PARD3: variants seen among roughly 807,000 people sequenced by gnomAD.
The protein encoded by PARD3 is partitioning defective 3 homolog.
Under a neutral mutation model 155.4 loss-of-function variants are expected in PARD3, and 75 were observed. That is an observed-to-expected ratio of 0.48 (90% confidence interval 0.40 to 0.58). The LOEUF (loss-of-function observed/expected upper bound fraction) is 0.58. Among genes scored for constraint, PARD3 ranks in the 20% least tolerant of loss-of-function variants. The pLI is 0.00. For missense variants in PARD3, 1,642 were observed against 1,721.7 expected, an observed-to-expected ratio of 0.95 and a Z score of 0.82; for synonymous variants, 576 against 610.5, an observed-to-expected ratio of 0.94 and a Z score of 0.83.
intron 1 of PARD3, among the ~76,000 whole-genome samples, chr10:34,760,819 G>C (rs1026040585): frequency 1.1e-4 from 16 of 152,268 alleles, no homozygotes; most frequent in Admixed American, 9.8e-4. Flanking sequence ...GCCCAGCCCT[G>C]CTCCAGCCTT....
chr10:34,120,183 ATTTTTTTT>A lies in PARD3; in HGVS notation c.3541-451_3541-444del, dbSNP rs57670906. 1.2e-3 allele frequency among the ~76,000 whole-genome samples: 133 copies of A among 113,670 alleles called. 1 individual carries two copies. The highest frequency in any genetic ancestry group is 3.7e-3 in the African/African-American group (113 of 30,476). The allele number at this position is 113,670 out of a possible 152,430, so 74.6% of individuals were successfully genotyped here. Reference sequence around the variant, plus strand: ...AAGCACAGGCCACCATGCCTGGCTAATTTTTTTTTTTTTTTTTTTTTTGGTAGAGATGG... The same window carrying A: ...AAGCACAGGCCACCATGCCTGGCTAATTTTTTTTTTTTTTGGTAGAGATGG... On this transcript the variant is annotated intron_variant, in intron 23 of 24. Transcript: ENST00000374788.
intron 3 of PARD3, among the ~76,000 whole-genome samples, chr10:34,496,022 G>A (rs1319301212): frequency 6.6e-6 from 1 of 151,850 alleles, no homozygotes; most frequent in East Asian, 1.9e-4. Context: ...GGGCAATATG[G>A]CAAAACCCTG....
At chr10:34,476,879 T>C (rs561579650) in intron 3 of PARD3, among the ~76,000 whole-genome samples, 25 of 152,156 alleles carry the variant, frequency 1.6e-4, no homozygotes, top group Non-Finnish European at 3.7e-4. Flanking sequence ...TTTTCACGAG[T>C]TTCACCTTAT....
intron 20 of PARD3, among the ~76,000 whole-genome samples, chr10:34,308,502 G>C (rs1390582387): frequency 6.6e-6 from 1 of 152,182 alleles, no homozygotes; most frequent in Non-Finnish European, 1.5e-5. Flanking sequence ...GGGAAAATCA[G>C]GTGTCAAGGA....
chr10:34,389,646 G>A (rs1316694217), intron 7 of PARD3, among the ~76,000 whole-genome samples: 1 of 152,132 alleles, frequency 6.6e-6, no homozygotes, highest in African/African-American at 2.4e-5. Flanking sequence ...CATCACAACG[G>A]TAGGGAAGGC....
At chr10:34,627,235 G>A (rs550647971) in intron 2 of PARD3, among the ~76,000 whole-genome samples, 3 of 152,060 alleles carry the variant, frequency 2.0e-5, no homozygotes, top group Non-Finnish European at 4.4e-5. Flanking sequence ...ATCTCACTTT[G>A]TTGCTCAGGC....
chr10:34,280,784 A>T (rs1956118963), intron 21 of PARD3, among the ~76,000 whole-genome samples: 1 of 152,084 alleles, frequency 6.6e-6, no homozygotes, highest in Non-Finnish European at 1.5e-5. Context: ...GCAAAAAGTG[A>T]GGGGTTGAGA....
chr10:34,118,088 A>G (rs1042540643), intron 24 of PARD3, among the ~76,000 whole-genome samples: 2 of 152,194 alleles, frequency 1.3e-5, no homozygotes, highest in Non-Finnish European at 2.9e-5. Context: ...AAGGTCCTAT[A>G]AAGACCAAAA....
intron 5 of PARD3, among the ~76,000 whole-genome samples, chr10:34,422,874 G>A (rs1273226971): frequency 1.3e-5 from 2 of 152,106 alleles, no homozygotes; most frequent in Non-Finnish European, 2.9e-5. Flanking sequence ...GGGTATAGGG[G>A]TTCTTCAAAA....
At chr10:34,778,021 C>G (rs1839807565) in intron 1 of PARD3, among the ~76,000 whole-genome samples, 2 of 152,152 alleles carry the variant, frequency 1.3e-5, no homozygotes, top group South Asian at 4.1e-4. Flanking sequence ...TTCAGAGGTA[C>G]CACTGTCCCT....
chr10:34,212,233 C>T (rs1177077867), intron 22 of PARD3, among the ~76,000 whole-genome samples: 2 of 152,102 alleles, frequency 1.3e-5, no homozygotes, highest in Non-Finnish European at 2.9e-5. Flanking sequence ...CTTTATTCCC[C>T]TGTGTTCCCA....
intron 3 of PARD3, among the ~76,000 whole-genome samples, chr10:34,510,931 A>G (rs2081362905): frequency 6.6e-6 from 1 of 152,196 alleles, no homozygotes; most frequent in Non-Finnish European, 1.5e-5. Context: ...TTAAATGCCC[A>G]ATTTGTGTTT....
intron 1 of PARD3, among the ~76,000 whole-genome samples, chr10:34,795,311 G>A (rs996195806): frequency 3.9e-5 from 6 of 152,194 alleles, no homozygotes; most frequent in African/African-American, 1.4e-4. Context: ...CAGTTCACTG[G>A]TAGTAAAACG....
intron 1 of PARD3, among the ~76,000 whole-genome samples, chr10:34,757,549 A>C (rs1836899815): frequency 6.6e-6 from 1 of 152,156 alleles, no homozygotes; most frequent in Non-Finnish European, 1.5e-5. Context: ...TCTCTACTAA[A>C]AATACAAAAA....
At chr10:34,159,271 A>G (rs1157030341) in intron 22 of PARD3, among the ~76,000 whole-genome samples, 1 of 152,204 alleles carries the variant, frequency 6.6e-6, no homozygotes, top group Non-Finnish European at 1.5e-5. Flanking sequence ...TGTTCTCTTT[A>G]GCTTCTACTG....
At chr10:34,286,388 C>T (rs1276803404) in intron 20 of PARD3, among the ~76,000 whole-genome samples, 1 of 152,212 alleles carries the variant, frequency 6.6e-6, no homozygotes, top group Non-Finnish European at 1.5e-5. Context: ...CATCAGACTG[C>T]ACAGTGCTAA....
rs1210842587 is a variant in PARD3, at chr10:34,279,163, T to TTTA, written c.3176+4971_3176+4972insTAA. Among the ~76,000 whole-genome samples the TTTA allele has an allele frequency of 8.1e-5, 12 of 148,124 alleles. 1 individual carries two copies. The highest frequency in any genetic ancestry group is 1.0e-4 in the Non-Finnish European group (7 of 67,060). ...TTCCTTTTTTTTTTTTTTTTTTTTT[T>TTTA]AGAGACAAGCTCTCACTCTGTCACA... On this transcript the variant is annotated intron_variant, in intron 21 of 24. Transcript: ENST00000374788.
intron 8 of PARD3, among the ~76,000 whole-genome samples, chr10:34,383,390 T>TACACAC (rs3040371): frequency 0.32 from 48,048 of 150,110 alleles, 7,544 homozygotes; most frequent in South Asian, 0.46. Flanking sequence ...ATTTTTAAAA[T>TACACAC]ACACACACAC....
chr10:34,160,619 C>T (rs932425811), intron 22 of PARD3, among the ~76,000 whole-genome samples: 1 of 152,100 alleles, frequency 6.6e-6, no homozygotes, highest in Non-Finnish European at 1.5e-5. Context: ...GCAGAGATTG[C>T]CTTTAAAAGG....
Sources: allele counts gnomAD v4.1 joint callset (sites outside exome capture counted in the v4.1 genomes callset), GRCh38; gene constraint gnomAD v4.1.1; transcripts MANE v1.5; gene names NCBI Gene and HGNC (gene_info 2026-07-23, HGNC 2026-07-21).